BEND4: variants seen among roughly 807,000 people sequenced by gnomAD.
The protein encoded by BEND4 is BEN domain-containing protein 4.
Under a neutral mutation model 54.7 loss-of-function variants are expected in BEND4, and 27 were observed. The observed-to-expected ratio is 0.49, with a 90% CI of 0.36 to 0.68. BEND4 has a LOEUF of 0.68. Ranked by LOEUF, BEND4 falls within the 30% of genes least tolerant of loss-of-function variation. BEND4 has a pLI of 0.00. For synonymous variants in BEND4, 327 were observed against 299.5 expected, an observed-to-expected ratio of 1.09 and a Z score of -0.95; for missense variants, 702 against 697.2, an observed-to-expected ratio of 1.01 and a Z score of -0.08.
rs548777565 is a variant in BEND4, at chr4:42,138,236, G to C, written c.1054+5192C>G. ...AAACTGTGGTATATTATTGGATAGA[G>C]TATTATCCTGACCTAAAAAAGAACA... On this transcript the variant is annotated intron_variant, in intron 3 of 5. Transcript: ENST00000502486. Among the ~76,000 whole-genome samples the C allele has an allele frequency of 6.6e-5, 10 of 152,264 alleles. No individual in the cohort carries two copies. The South Asian group carries it at 2.1e-3, about 32-fold the overall frequency.
At position 42,113,423 on chromosome 4, in the gene BEND4, T is replaced by C. The variant is rs924933724; in HGVS notation, c.*4095A>G. On this transcript the variant is annotated 3_prime_UTR_variant, in exon 6 of 6. Transcript: ENST00000502486. The stretch of plus-strand genomic sequence containing the variant: ...GAATCTAAATGAGGACAATGGATGT[T>C]TGCTTTTCTGAACATATAGTGCACG... 1 of 152,246 alleles carries C rather than the reference T, an allele frequency of 6.6e-6. No individual in the cohort carries two copies. Among genetic ancestry groups the C allele is most frequent in the African/African-American group, 2.4e-5 (1 of 41,466 alleles). 9.4% of individuals were successfully genotyped at this position (152,246 alleles called of 1,614,324 possible). A position where few individuals can be genotyped will look rare whatever the true frequency, so the allele number is the denominator to read the frequency against.
chr4:42,135,197 G>A (rs1337900589), intron 3 of BEND4, among the ~76,000 whole-genome samples: 1 of 152,168 alleles, frequency 6.6e-6, no homozygotes, highest in Non-Finnish European at 1.5e-5. Context: ...ACTGATGGGT[G>A]TGTAAGAGGT....
intron 2 of BEND4, among the ~76,000 whole-genome samples, chr4:42,149,113 C>A (rs561442421): frequency 6.6e-6 from 1 of 152,292 alleles, no homozygotes; most frequent in South Asian, 2.1e-4. Context: ...AATGTTTTGA[C>A]TATTTTCAGT....
intron 4 of BEND4, 48 bp downstream of exon 4, chr4:42,125,535 C>T (rs754691285): frequency 1.4e-6 from 2 of 1,415,870 alleles, no homozygotes; most frequent in Admixed American, 1.7e-5. Context: ...AATCAAGATA[C>T]TTAAGAGAAT....
rs1721292740 is a variant in BEND4 at position 42,151,700 on chromosome 4, G to A, written c.444C>T (p.Thr148=). 5 of 1,504,178 alleles carry A rather than the reference G, an allele frequency of 3.3e-6. No individual in the cohort carries two copies. The highest frequency in any genetic ancestry group is 1.2e-5 in the South Asian group (1 of 80,516). 93.2% of individuals were successfully genotyped at this position (1,504,178 alleles called of 1,614,324 possible). Residue 148 remains threonine (T), a synonymous_variant, in exon 2 of 6, where the codon ACC becomes ACT. Transcript: ENST00000502486. ...TGGCGCTGTCGCTACCCGTGCCGCC[G>A]GTGCCGGCGGCCGCCGCCGCGCCTG... is the stretch of plus-strand genomic sequence containing the variant. ...YGPGAAAAAG[T]GGTGSDSASL... is the part of the protein sequence containing the mutation.
intron 3 of BEND4, among the ~76,000 whole-genome samples, chr4:42,142,568 G>A (rs1165054280): frequency 6.6e-6 from 1 of 150,622 alleles, no homozygotes; most frequent in South Asian, 2.1e-4. Context: ...AGGAGACGGA[G>A]GTTGCAGTGA....
Position 42,152,063 on chromosome 4 carries a change from G to A in BEND4, c.81C>T (p.Leu27=). 8.0e-7 allele frequency: 1 copy of A among 1,253,062 alleles called. No individual in the cohort carries two copies. The highest frequency in any genetic ancestry group is 1.0e-6 in the Non-Finnish European group (1 of 991,642). 77.6% of individuals were successfully genotyped at this position (1,253,062 alleles called of 1,614,324 possible). The stretch of plus-strand genomic sequence containing the variant: ...CCGGTCTCTTGCTGGGGAACGTCTT[G>A]AGGACGCTGTAGGGGCTGCGCTGCT... ...IYKQRSPYSV[L]KTFPSKRPAL... Residue 27 remains leucine (L), a synonymous_variant, in exon 2 of 6, where the codon CTC becomes CTT. Coordinates refer to ENST00000502486, the MANE Select transcript of BEND4 (RefSeq NM_207406.4).
At chr4:42,131,836 C>A (rs1720518023) in intron 3 of BEND4, among the ~76,000 whole-genome samples, 1 of 152,024 alleles carries the variant, frequency 6.6e-6, no homozygotes, top group Non-Finnish European at 1.5e-5. Flanking sequence ...GTTCTGAGTG[C>A]CTCCCTTCAC....
At position 42,120,457 on chromosome 4, in the gene BEND4, A is replaced by C. The variant is rs56925247; in HGVS notation, c.1147-163T>G. On this transcript the variant is annotated intron_variant, in intron 4 of 5. Transcript: ENST00000502486. Reference sequence around the variant, plus strand: ...ATAATTGCTCAGACTTAGAAGGGGCACTTTTCAAATTACATTTGCATTTTC... The same window carrying C: ...ATAATTGCTCAGACTTAGAAGGGGCCCTTTTCAAATTACATTTGCATTTTC... Among the ~76,000 whole-genome samples, 714 of 152,328 alleles carry C rather than the reference A, an allele frequency of 4.7e-3. 3 individuals carry two copies. The highest frequency in any genetic ancestry group is 0.017 in the African/African-American group (687 of 41,572).
intron 4 of BEND4, among the ~76,000 whole-genome samples, chr4:42,124,180 C>A (rs533149286): frequency 6.6e-6 from 1 of 152,170 alleles, no homozygotes; most frequent in Non-Finnish European, 1.5e-5. Flanking sequence ...CATAGTGACA[C>A]CCCATCTCTA....
At chr4:42,118,235 AC>A (rs1719922733) in intron 5 of BEND4, among the ~76,000 whole-genome samples, 1 of 152,190 alleles carries the variant, frequency 6.6e-6, no homozygotes, top group Admixed American at 6.5e-5. Flanking sequence ...CAGAAAAGGT[AC>A]CCATGTTCTT....
In BEND4 at chr4:42,117,483, G is replaced by A. The variant is rs978846812; in HGVS notation, c.*35C>T. 1 of 1,482,896 alleles carries A rather than the reference G, an allele frequency of 6.7e-7. No individual in the cohort carries two copies. Among genetic ancestry groups the A allele is most frequent in the African/African-American group, 1.4e-5 (1 of 72,224 alleles). The allele number at this position is 1,482,896 out of a possible 1,614,324, so 91.9% of individuals were successfully genotyped here. On this transcript the variant is annotated 3_prime_UTR_variant, in exon 6 of 6. Transcript: ENST00000502486. ...GGACATTCACAATTGGAACTCTTGA[G>A]AGGACCAGCTGCTACAACAGGAAGA...
chr4:42,151,354 T>G, intron 2 of BEND4: 2 of 224,146 alleles, frequency 8.9e-6, no homozygotes, highest in East Asian at 8.6e-5. Flanking sequence ...CGGGGGGGCG[T>G]CTGGCCCCAC....
intron 3 of BEND4, 141 bp from the exon 4 acceptor site, chr4:42,125,815 T>C (rs935074429): frequency 3.5e-6 from 2 of 569,588 alleles, no homozygotes; most frequent in Non-Finnish European, 6.1e-6. Flanking sequence ...CTCAGCTCAC[T>C]GCAACCTTGA....
chr4:42,141,527 T>G (rs938136770), intron 3 of BEND4, among the ~76,000 whole-genome samples: 1 of 151,560 alleles, frequency 6.6e-6, no homozygotes, highest in African/African-American at 2.4e-5. Context: ...AAGTCAGGAG[T>G]TCGAGACCAG....
intron 4 of BEND4, among the ~76,000 whole-genome samples, chr4:42,124,030 T>C (rs1161195541): frequency 6.6e-6 from 1 of 152,196 alleles, no homozygotes; most frequent in East Asian, 1.9e-4. Context: ...TAGGTATGCA[T>C]GTGGGACTTG....
chr4:42,123,974 G>A (rs1014329302), intron 4 of BEND4, among the ~76,000 whole-genome samples: 7 of 152,236 alleles, frequency 4.6e-5, no homozygotes, highest in African/African-American at 1.7e-4. Context: ...TGTGGGCCAG[G>A]TATTTGGCAC....
chr4:42,123,703 A>AAAAAC (rs1553921989), intron 4 of BEND4, among the ~76,000 whole-genome samples: 1 of 111,826 alleles, frequency 8.9e-6, no homozygotes, highest in African/African-American at 3.8e-5. Flanking sequence ...AGAAAAAAAA[A>AAAAAC]AAAAAAAAAA....
chr4:42,127,925 G>C (rs1720347781), intron 3 of BEND4, among the ~76,000 whole-genome samples: 1 of 152,016 alleles, frequency 6.6e-6, no homozygotes. Flanking sequence ...AAATTTGAGA[G>C]GCAAAGGTGG....
Sources: gnomAD v4.1 joint callset for allele counts (sites outside exome capture counted in the v4.1 genomes callset) on GRCh38, gnomAD v4.1.1 for gene constraint, MANE v1.5 for transcripts, NCBI Gene and HGNC (gene_info 2026-07-23, HGNC 2026-07-21) for gene names.